DHRS2: variants seen among roughly 807,000 people sequenced by gnomAD.
DHRS2 encodes dehydrogenase/reductase SDR family member 2, mitochondrial.
Under a neutral mutation model 26.3 loss-of-function variants are expected in DHRS2, and 29 were observed. The ratio of observed to expected loss-of-function variants is 1.10; its 90% CI spans 0.82 to 1.50. The LOEUF (loss-of-function observed/expected upper bound fraction) is 1.50. Among genes scored for constraint, DHRS2 ranks in the 40% most tolerant of loss-of-function variants. The pLI, the probability that DHRS2 is intolerant of heterozygous loss-of-function variation, is 0.00. For synonymous variants in DHRS2, 164 were observed against 151.3 expected (o/e 1.08, Z -0.62); for missense variants, 439 against 367.1 (o/e 1.20, Z -1.60).
At position 23,645,497 on chromosome 14, in the gene DHRS2, A is replaced by G. The variant is rs558473960; in HGVS notation, c.*244A>G. ...TCTTGGTGTGGGTCTGGGGAGCTGA[A>G]GGATTTTATGGAGCTGGTGCTTTGG... On this transcript the variant is annotated 3_prime_UTR_variant, in exon 9 of 9. Transcript: ENST00000250383. 2.8e-5 allele frequency: 19 copies of G among 686,020 alleles called. No individual in the cohort carries two copies. In the Admixed American group the frequency reaches 3.4e-4, roughly 12 times the overall value. The allele number at this position is 686,020 out of a possible 1,614,324, so 42.5% of individuals were successfully genotyped here. A position where few individuals can be genotyped will look rare whatever the true frequency, so the allele number is the denominator to read the frequency against.
At chr14:23,639,956 A>C (rs1890568444) in intron 4 of DHRS2, 61 bp downstream of exon 4, 1 of 1,352,402 alleles carries the variant, frequency 7.4e-7, no homozygotes, top group African/African-American at 1.5e-5. Context: ...ACTGGGCTCC[A>C]GCATGCCTGT....
At chr14:23,643,073 G>A in intron 4 of DHRS2, 79 bp from the exon 5 acceptor site, 1 of 1,428,140 alleles carries the variant, frequency 7.0e-7, no homozygotes, top group Non-Finnish European at 9.8e-7. Context: ...CAAATTACAG[G>A]GCTCCAAGTG....
chr14:23,638,835 C>T lies in DHRS2; in HGVS notation c.-30C>T, dbSNP rs540396182. ...TTGATTCTTTCCCCCAGGCCTGATT[C>T]AGCAGGAAGCATCTCAGACACCAAC... On this transcript the variant is annotated 5_prime_UTR_variant, in exon 2 of 9. Coordinates refer to ENST00000250383, the MANE Select transcript of DHRS2 (RefSeq NM_005794.4). The T allele has an allele frequency of 1.1e-5, 17 of 1,606,188 alleles. No individual in the cohort carries two copies. In the East Asian group the frequency reaches 3.4e-4, roughly 32 times the overall value.
Position 23,643,125 on chromosome 14 carries a change from C to T in DHRS2, c.421-27C>T, listed in dbSNP as rs374393244. On this transcript the variant is annotated intron_variant, in intron 4 of 8. Coordinates refer to ENST00000250383, the MANE Select transcript of DHRS2 (RefSeq NM_005794.4). ...CTTGGGCTGACCATGTCTCTCTGCCCTCACCCATGCTCTGCTCTGATTTCA... is the reference window on the plus strand; with the variant it reads ...CTTGGGCTGACCATGTCTCTCTGCCTTCACCCATGCTCTGCTCTGATTTCA... 134 of 1,612,980 alleles carry T rather than the reference C, an allele frequency of 8.3e-5. 2 individuals carry two copies. In the Middle Eastern group the frequency reaches 1.5e-3, roughly 18 times the overall value.
At chr14:23,644,905 G>A (rs1890814488) in intron 8 of DHRS2, 23 bp downstream of exon 8, 2 of 1,613,418 alleles carry the variant, frequency 1.2e-6, no homozygotes, top group East Asian at 2.2e-5. Context: ...TGGAGATTTG[G>A]TGGTCCATGT....
chr14:23,639,502 G>T, intron 3 of DHRS2, 146 bp downstream of exon 3: 1 of 1,250,420 alleles, frequency 8.0e-7, no homozygotes, highest in South Asian at 1.7e-5. Context: ...CTACCCAGAA[G>T]GTCCCTCAGG....
At chr14:23,638,719 C>T in intron 1 of DHRS2, 108 bp from the exon 2 acceptor site, 1 of 1,207,114 alleles carries the variant, frequency 8.3e-7, no homozygotes, top group Non-Finnish European at 1.2e-6. Flanking sequence ...GCCTGACTCT[C>T]TGCCACTTTC....
At position 23,645,203 on chromosome 14, in the gene DHRS2, T is replaced by TACGTCA; in HGVS notation, c.797_802dup (p.Val266_Asn267dup). The stretch of plus-strand genomic sequence containing the variant: ...CTTCCTGTGCTCTCCAGATGCCAGC[T>TACGTCA]ACGTCAACGGGGAGAACATTGCGGT... On this transcript the variant is annotated inframe_insertion, in exon 9 of 9. Coordinates refer to ENST00000250383, the MANE Select transcript of DHRS2 (RefSeq NM_005794.4). 2 of 1,614,172 alleles carry TACGTCA rather than the reference T, an allele frequency of 1.2e-6. No individual in the cohort carries two copies. Among genetic ancestry groups the TACGTCA allele is most frequent in the Non-Finnish European group, 1.7e-6 (2 of 1,180,044 alleles).
upstream of DHRS2, among the ~76,000 whole-genome samples, chr14:23,633,576 G>A (rs1594233746): frequency 6.6e-6 from 1 of 152,226 alleles, no homozygotes; most frequent in African/African-American, 2.4e-5. Context: ...AGCCTGATTA[G>A]CTCACCAGCC....
At chr14:23,641,788 C>A in intron 4 of DHRS2, 1 of 1,286,370 alleles carries the variant, frequency 7.8e-7, no homozygotes, top group Admixed American at 2.3e-5. Context: ...AAGTATTTCT[C>A]CTTCCCACAT....
chr14:23,637,910 G>A (rs1206024028), intron 1 of DHRS2: 3 of 152,200 alleles, frequency 2.0e-5, no homozygotes, highest in African/African-American at 7.2e-5. Context: ...GCAGGATGTG[G>A]ACAGGGCCAG....
At chr14:23,638,738 G>C in intron 1 of DHRS2, 89 bp from the exon 2 acceptor site, 1 of 1,358,934 alleles carries the variant, frequency 7.4e-7, no homozygotes, top group Admixed American at 2.2e-5. Context: ...TCTGTTGCTG[G>C]CCTTGTCTGT....
intron 4 of DHRS2, chr14:23,641,639 AC>A: frequency 7.8e-7 from 1 of 1,289,732 alleles, no homozygotes; most frequent in South Asian, 1.2e-5. Flanking sequence ...CTTACAGCTA[AC>A]CTAATCCTCA....
chr14:23,644,664 T>G, intron 7 of DHRS2, 121 bp downstream of exon 7: 1 of 1,528,104 alleles, frequency 6.5e-7, no homozygotes, highest in Non-Finnish European at 9.0e-7. Flanking sequence ...AGGTCCTCAT[T>G]GTTCTCTGAA....
At chr14:23,637,293 C>T (rs1253972995) in intron 1 of DHRS2, among the ~76,000 whole-genome samples, 2 of 152,182 alleles carry the variant, frequency 1.3e-5, no homozygotes, top group African/African-American at 4.8e-5. Context: ...AATTTCAGGA[C>T]TCTGTTACCT....
rs923001654 is a variant in DHRS2, at chr14:23,644,316, G to T, written c.541-93G>T. ...TTGTCTCCATGTGGGTGGGAGGGCT[G>T]CTGGGCCTGTGAGATCCCTGTAGGT... On this transcript the variant is annotated intron_variant, in intron 6 of 8. Transcript: ENST00000250383. 5.1e-6 allele frequency: 8 copies of T among 1,580,794 alleles called. No homozygotes were observed. The African/African-American group carries it at 1.1e-4, about 21-fold the overall frequency.
chr14:23,643,436 C>G (rs1365556974), intron 5 of DHRS2: 5 of 551,698 alleles, frequency 9.1e-6, no homozygotes, highest in African/African-American at 5.7e-5. Context: ...CCAGGCATAG[C>G]CTCCTTGGCC....
Position 23,636,484 on chromosome 14 carries a change from G to A in DHRS2, c.-327G>A, listed in dbSNP as rs138908130. 9.1e-3 allele frequency: 1,389 copies of A among 152,198 alleles called. 8 individuals carry two copies. The highest frequency in any genetic ancestry group is 0.018 in the Admixed American group (269 of 15,278). The allele number at this position is 152,198 out of a possible 1,614,324, so 9.4% of individuals were successfully genotyped here. A position where few individuals can be genotyped will look rare whatever the true frequency, so the allele number is the denominator to read the frequency against. On this transcript the variant is annotated 5_prime_UTR_variant, in exon 1 of 9. Coordinates refer to ENST00000250383, the MANE Select transcript of DHRS2 (RefSeq NM_005794.4). Reference sequence around the variant, plus strand: ...ACCTTTAAGAGCTGTAACACTCACCGCGAAGGTCTGCAACTTCACTCCTGG... The same window carrying A: ...ACCTTTAAGAGCTGTAACACTCACCACGAAGGTCTGCAACTTCACTCCTGG...
intron 6 of DHRS2, 28 bp from the exon 7 acceptor site, chr14:23,644,381 C>T (rs747231893): frequency 6.2e-7 from 1 of 1,613,702 alleles, no homozygotes; most frequent in South Asian, 1.1e-5. Context: ...CTCCCATATC[C>T]TAATCACTCT....
Sources: gnomAD v4.1 joint callset for allele counts (sites outside exome capture counted in the v4.1 genomes callset) on GRCh38, gnomAD v4.1.1 for gene constraint, MANE v1.5 for transcripts, NCBI Gene and HGNC (gene_info 2026-07-23, HGNC 2026-07-21) for gene names.